The following ATP11A variants were observed in gnomAD, a reference collection of about 807,000 sequenced individuals.
ATP11A encodes the protein phospholipid-transporting ATPase IH.
In ATP11A, 81 loss-of-function variants were observed where a neutral mutation model predicts 154.4. The ratio of observed to expected loss-of-function variants is 0.52; its 90% CI spans 0.44 to 0.63. The LOEUF is 0.63. ATP11A is among the 30% of genes least tolerant of loss of function. The pLI, the probability that ATP11A is intolerant of heterozygous loss-of-function variation, is 0.00. For synonymous variants in ATP11A, 623 were observed against 585.9 expected, an observed-to-expected ratio of 1.06 and a Z score of -0.91; for missense variants, 1,316 against 1,474.3, an observed-to-expected ratio of 0.89 and a Z score of 1.76.
At chr13:112,823,962 C>CTTCT (rs1177654526) in intron 9 of ATP11A, among the ~76,000 whole-genome samples, 2 of 152,166 alleles carry the variant, frequency 1.3e-5, no homozygotes, top group Non-Finnish European at 1.5e-5. Flanking sequence ...ATACCTAGCA[C>CTTCT]GATGTAAATA....
At chr13:112,768,646 C>T (rs150522886) in intron 1 of ATP11A, among the ~76,000 whole-genome samples, 1 of 152,214 alleles carries the variant, frequency 6.6e-6, no homozygotes, top group Non-Finnish European at 1.5e-5. Flanking sequence ...AAAGGCGACA[C>T]GTATACTAAC....
At chr13:112,813,272 T>A (rs1050037760) in intron 5 of ATP11A, among the ~76,000 whole-genome samples, 7 of 152,186 alleles carry the variant, frequency 4.6e-5, no homozygotes, top group African/African-American at 1.7e-4. Context: ...TAGTAAGAAA[T>A]AAAACACAGG....
At chr13:112,727,820 T>G (rs1890037067) in intron 1 of ATP11A, among the ~76,000 whole-genome samples, 1 of 152,230 alleles carries the variant, frequency 6.6e-6, no homozygotes, top group South Asian at 2.1e-4. Flanking sequence ...GCCACGCAGC[T>G]CGGGGACTCC....
chr13:112,864,686 C>T (rs575549038), intron 25 of ATP11A, among the ~76,000 whole-genome samples: 2 of 65,664 alleles, frequency 3.0e-5, no homozygotes, highest in Non-Finnish European at 4.9e-5. Flanking sequence ...AGCTTCCCAG[C>T]GGGGTCCATC....
intron 16 of ATP11A, among the ~76,000 whole-genome samples, chr13:112,841,622 G>C (rs923744268): frequency 1.3e-5 from 2 of 152,168 alleles, no homozygotes; most frequent in Non-Finnish European, 2.9e-5. Context: ...TGGCTTCGCC[G>C]TCCAGGGATG....
chr13:112,787,408 T>C (rs71446639), intron 2 of ATP11A, among the ~76,000 whole-genome samples: 86 of 121,502 alleles, frequency 7.1e-4, no homozygotes, highest in African/African-American at 3.3e-3. Flanking sequence ...TGTCCTAATG[T>C]GTAGACCCCT....
intron 17 of ATP11A, among the ~76,000 whole-genome samples, chr13:112,846,069 G>A (rs1327061611): frequency 3.3e-5 from 5 of 152,168 alleles, no homozygotes; most frequent in African/African-American, 4.8e-5. Context: ...CTGTCAGAGC[G>A]TCTTCATTTC....
At chr13:112,693,302 T>G (rs1885405043) in intron 1 of ATP11A, among the ~76,000 whole-genome samples, 1 of 152,020 alleles carries the variant, frequency 6.6e-6, no homozygotes, top group South Asian at 2.1e-4. Flanking sequence ...TAGTGTATGC[T>G]CCCTGGGGTG....
At chr13:112,852,580 C>A (rs1594177564) in intron 18 of ATP11A, among the ~76,000 whole-genome samples, 1 of 152,204 alleles carries the variant, frequency 6.6e-6, no homozygotes, top group Non-Finnish European at 1.5e-5. Flanking sequence ...TGGCCAGTCA[C>A]TCACCTGCTG....
chr13:112,826,497 C>T lies in ATP11A; in HGVS notation c.1024-197C>T, dbSNP rs2277434. Reference sequence around the variant, plus strand: ...AGCCCCACAGCTCAGCCCCTGGACCCGGCAGGTCCTGGCTCAGAGACCAGG... The same window carrying T: ...AGCCCCACAGCTCAGCCCCTGGACCTGGCAGGTCCTGGCTCAGAGACCAGG... On this transcript the variant is annotated intron_variant, in intron 11 of 29. Transcript: ENST00000375645. Among the ~76,000 whole-genome samples the T allele has an allele frequency of 7.3e-4, 111 of 152,320 alleles. No individual in the cohort carries two copies. The East Asian group carries it at 0.015, about 21-fold the overall frequency.
In ATP11A at chr13:112,701,366, C is replaced by G. The variant is rs79785172; in HGVS notation, c.39+10911C>G. 2.8e-3 allele frequency among the ~76,000 whole-genome samples: 426 copies of G among 152,268 alleles called. 5 individuals are homozygous for G. In the East Asian group the frequency reaches 0.054, roughly 19 times the overall value. On this transcript the variant is annotated intron_variant, in intron 1 of 29. Coordinates refer to ENST00000375645, the MANE Select transcript of ATP11A (RefSeq NM_015205.3). ...GCAGTCAAGTTGTGTTTAGTTTTGA[C>G]TTAAAGATTAAAAGGTTATAGAATA...
intron 18 of ATP11A, among the ~76,000 whole-genome samples, chr13:112,852,055 A>G (rs1034411107): frequency 6.6e-6 from 1 of 152,210 alleles, no homozygotes; most frequent in Non-Finnish European, 1.5e-5. Context: ...AGTGTGCCCC[A>G]GCTCCACAAT....
At chr13:112,814,426 G>A (rs2078586835) in intron 5 of ATP11A, among the ~76,000 whole-genome samples, 1 of 151,964 alleles carries the variant, frequency 6.6e-6, no homozygotes, top group South Asian at 2.1e-4. Flanking sequence ...TCTTTGCCTG[G>A]TCCTAGACCC....
intron 18 of ATP11A, 23 bp from the exon 19 acceptor site, chr13:112,854,256 G>C (rs555093192): frequency 6.2e-7 from 1 of 1,612,664 alleles, no homozygotes; most frequent in African/African-American, 1.3e-5. Flanking sequence ...TCTCTATGCT[G>C]TGTTTGGTTT....
chr13:112,803,892 C>T, intron 2 of ATP11A, among the ~76,000 whole-genome samples: 1 of 111,232 alleles, frequency 9.0e-6, no homozygotes, highest in East Asian at 2.9e-4. Flanking sequence ...CCCTCATTCC[C>T]CTCCTTCCCT....
At position 112,696,415 on chromosome 13, in the gene ATP11A, CTGCCTCTGCGCT is replaced by C. The variant is rs1345708947; in HGVS notation, c.39+5967_39+5978del. 1.3e-5 allele frequency among the ~76,000 whole-genome samples: 2 copies of C among 152,142 alleles called. No individual in the cohort carries two copies. Among genetic ancestry groups the C allele is most frequent in the African/African-American group, 4.8e-5 (2 of 41,440 alleles). ...GCCCCTGCCACGCCCAGCAGCCTTT[CTGCCTCTGCGCT>C]TGCCTCCTCCGGTTGGAGCGAGTGA... On this transcript the variant is annotated intron_variant, in intron 1 of 29. Coordinates refer to ENST00000375645, the MANE Select transcript of ATP11A (RefSeq NM_015205.3). This position sits in a 1 kb window ranked among gnomAD's most constrained non-coding sequence, Gnocchi z 6.2.
At position 112,838,100 on chromosome 13, in the gene ATP11A, G is replaced by A. The variant is rs142336098; in HGVS notation, c.1705+1849G>A. On this transcript the variant is annotated intron_variant, in intron 16 of 29. Transcript: ENST00000375645. This position sits in a 1 kb window ranked among gnomAD's most constrained non-coding sequence, Gnocchi z 7.3. The stretch of plus-strand genomic sequence containing the variant: ...AACAATCTGTGTGTGAATGTTGCCA[G>A]GACTCCCACGAAGAGCTTTTGCCAG... 2.8e-4 allele frequency among the ~76,000 whole-genome samples: 42 copies of A among 152,326 alleles called. No individual in the cohort carries two copies. The highest frequency in any genetic ancestry group is 3.4e-3 in the Middle Eastern group (1 of 294).
intron 25 of ATP11A, among the ~76,000 whole-genome samples, chr13:112,869,708 G>A (rs2080451156): frequency 2.0e-5 from 3 of 152,326 alleles, no homozygotes; most frequent in Middle Eastern, 6.8e-3. Flanking sequence ...TGCTGTGGAG[G>A]CACCACTTGG....
At chr13:112,844,716 C>T (rs967774992) in intron 17 of ATP11A, among the ~76,000 whole-genome samples, 2 of 146,108 alleles carry the variant, frequency 1.4e-5, no homozygotes, top group African/African-American at 5.5e-5. Flanking sequence ...ACTAGTTCAG[C>T]GGCCGCTAGT....
Sources: gnomAD v4.1 joint callset for allele counts (sites outside exome capture counted in the v4.1 genomes callset) on GRCh38, gnomAD v4.1.1 for gene constraint, Gnocchi (gnomAD v3.1) non-coding constraint, MANE v1.5 for transcripts, NCBI Gene and HGNC (gene_info 2026-07-23, HGNC 2026-07-21) for gene names.